The following SENP7 variants were observed in gnomAD, a reference collection of about 807,000 sequenced individuals.
SENP7 encodes SUMO specific peptidase 7.
In SENP7, 64 loss-of-function variants were observed where a neutral mutation model predicts 141.2. The ratio of observed to expected loss-of-function variants is 0.45; its 90% confidence interval spans 0.37 to 0.56. The LOEUF is 0.56. Ranked by LOEUF, SENP7 falls within the 20% of genes least tolerant of loss-of-function variation. SENP7 has a pLI of 0.00. For synonymous variants in SENP7, 382 were observed against 426.4 expected (o/e 0.90, Z 1.28); for missense variants, 1,025 against 1,212.2 (o/e 0.85, Z 2.29).
At chr3:101,457,181 A>T in intron 4 of SENP7, 1 of 1,165,332 alleles carries the variant, frequency 8.6e-7, no homozygotes, top group Non-Finnish European at 1.3e-6. Context: ...AAGTAGTCAT[A>T]ATATAAAATA....
intron 4 of SENP7, chr3:101,457,763 C>T (rs929442639): frequency 5.5e-6 from 4 of 722,936 alleles, no homozygotes; most frequent in Non-Finnish European, 9.4e-6. Context: ...ATGCAGAGAA[C>T]TAGGGTTGGT....
chr3:101,387,088 AC>A (rs1475046802), intron 6 of SENP7, among the ~76,000 whole-genome samples: 3 of 151,946 alleles, frequency 2.0e-5, no homozygotes. Context: ...TGCCACCATC[AC>A]CAGGGCCTGA....
Position 101,401,058 on chromosome 3 carries a change from A to G in SENP7, c.483-2003T>C, listed in dbSNP as rs1576229861. 2.7e-5 allele frequency among the ~76,000 whole-genome samples: 4 copies of G among 150,420 alleles called. No homozygotes were observed. In the South Asian group the frequency reaches 8.4e-4, roughly 32 times the overall value. ...GGCTGCAGAGAGCTAGGATTGCGCCACCTCTGTTTGCCTGGGAAAGAGAGC... is the reference window on the plus strand; with the variant it reads ...GGCTGCAGAGAGCTAGGATTGCGCCGCCTCTGTTTGCCTGGGAAAGAGAGC... On this transcript the variant is annotated intron_variant, in intron 5 of 23. Transcript: ENST00000394095.
chr3:101,365,753 T>C (rs1243255939), intron 9 of SENP7, among the ~76,000 whole-genome samples: 1 of 152,140 alleles, frequency 6.6e-6, no homozygotes, highest in Non-Finnish European at 1.5e-5. Flanking sequence ...AGTTGTTATC[T>C]GATTTATAGT....
intron 3 of SENP7, among the ~76,000 whole-genome samples, chr3:101,490,537 G>A (rs1175799584): frequency 6.6e-6 from 1 of 151,784 alleles, no homozygotes; most frequent in Non-Finnish European, 1.5e-5. Context: ...ACATAAAAAA[G>A]AAAAATGAAT....
chr3:101,491,440 T>C (rs2064963332), intron 3 of SENP7, among the ~76,000 whole-genome samples: 2 of 88,988 alleles, frequency 2.2e-5, no homozygotes, highest in African/African-American at 7.1e-5. Flanking sequence ...TAATTTTTAG[T>C]AGAAACAAGA....
intron 4 of SENP7, among the ~76,000 whole-genome samples, chr3:101,419,532 C>T (rs1208104503): frequency 1.3e-5 from 2 of 152,040 alleles, no homozygotes; most frequent in Admixed American, 6.5e-5. Flanking sequence ...ACAGTGGGAT[C>T]AGCAAAGGGA....
At chr3:101,382,805 G>A (rs1215349349) in intron 6 of SENP7, among the ~76,000 whole-genome samples, 1 of 152,100 alleles carries the variant, frequency 6.6e-6, no homozygotes, top group East Asian at 1.9e-4. Context: ...CCAGGGATAA[G>A]CCAAAACACA....
chr3:101,332,171 T>C, intron 18 of SENP7, 62 bp from the exon 19 acceptor site: 3 of 1,472,454 alleles, frequency 2.0e-6, no homozygotes, highest in East Asian at 2.3e-5. Flanking sequence ...TAATATATTC[T>C]AGAGATACAT....
intron 10 of SENP7, among the ~76,000 whole-genome samples, 169 bp from the exon 11 acceptor site, chr3:101,362,030 A>C (rs1019328223): frequency 2.0e-5 from 3 of 152,080 alleles, no homozygotes; most frequent in African/African-American, 7.2e-5. Flanking sequence ...TTTCTGAAAA[A>C]ATATATGACT....
chr3:101,365,098 G>C (rs2060000737), intron 9 of SENP7, 107 bp from the exon 10 acceptor site: 2 of 639,186 alleles, frequency 3.1e-6, no homozygotes, highest in Non-Finnish European at 4.6e-6. Flanking sequence ...CACCTCCCGG[G>C]CTCAGGCAAT....
intron 4 of SENP7, chr3:101,458,538 C>T (rs72942264): frequency 0.14 from 21,334 of 155,498 alleles, 2,304 homozygotes; most frequent in African/African-American, 0.31. Flanking sequence ...TTGGCTGGCC[C>T]AAGTACAGAG....
Position 101,500,673 on chromosome 3 carries a change from G to C in SENP7, c.90+397C>G, listed in dbSNP as rs903512353. On this transcript the variant is annotated intron_variant, in intron 2 of 23. Transcript: ENST00000394095. Reference sequence around the variant, plus strand: ...ACGTAGAAGAAATAAATGAAAAAAAGAGGCTTAAAAGGACATATTCCCAAT... The same window carrying C: ...ACGTAGAAGAAATAAATGAAAAAAACAGGCTTAAAAGGACATATTCCCAAT... Among the ~76,000 whole-genome samples the C allele has an allele frequency of 7.9e-4, 120 of 152,162 alleles. 1 individual carries two copies. The highest frequency in any genetic ancestry group is 5.9e-5 in the Non-Finnish European group (4 of 68,030).
chr3:101,394,160 G>C (rs1400560058), intron 6 of SENP7, among the ~76,000 whole-genome samples: 1 of 152,082 alleles, frequency 6.6e-6, no homozygotes, highest in East Asian at 1.9e-4. Context: ...GCCTCTATGA[G>C]ATCAACTTAT....
intron 5 of SENP7, among the ~76,000 whole-genome samples, chr3:101,401,062 C>T (rs540752778): frequency 6.6e-6 from 1 of 150,540 alleles, no homozygotes; most frequent in South Asian, 2.1e-4. Flanking sequence ...TGCGCCACCT[C>T]TGTTTGCCTG....
chr3:101,488,750 G>A (rs2064835859), intron 3 of SENP7, among the ~76,000 whole-genome samples: 2 of 152,222 alleles, frequency 1.3e-5, no homozygotes, highest in African/African-American at 2.4e-5. Flanking sequence ...GCTGACGCAG[G>A]AGAATTGCTT....
rs769630732 is a variant in SENP7, at chr3:101,417,840, T to C, written c.285-50A>G. On this transcript the variant is annotated intron_variant, in intron 4 of 23. Coordinates refer to ENST00000394095, the MANE Select transcript of SENP7 (RefSeq NM_020654.5). ...ATATATGGTACTACACATTGTAGAA[T>C]ACATGAATTCATCACAAACTAATAT... 8.7e-6 allele frequency: 12 copies of C among 1,378,568 alleles called. 1 individual carries two copies. The Admixed American group carries it at 1.4e-4, about 16-fold the overall frequency. The allele number at this position is 1,378,568 out of a possible 1,614,324, so 85.4% of individuals were successfully genotyped here. A position where few individuals can be genotyped will look rare whatever the true frequency, so the allele number is the denominator to read the frequency against.
chr3:101,501,707 T>C (rs2065387920), intron 1 of SENP7, among the ~76,000 whole-genome samples: 1 of 152,198 alleles, frequency 6.6e-6, no homozygotes, highest in Admixed American at 6.5e-5. Context: ...GACACTGTGC[T>C]AGGCAATGAG....
At position 101,398,932 on chromosome 3, in the gene SENP7, A is replaced by T. The variant is rs747709320; in HGVS notation, c.606T>A (p.Ser202=). 1 of 1,612,908 alleles carries T rather than the reference A, an allele frequency of 6.2e-7. No individual in the cohort carries two copies. Among genetic ancestry groups the T allele is most frequent in the South Asian group, 1.1e-5 (1 of 90,878 alleles). ...ATTCTAGGCTGCCATCAGATGATGA[A>T]GAAAGTTGCTCTGATTGCAAGTTGT... ...DTDNLQSEQL[S]SSSDGSLESY... The change falls in exon 6 of 24, where the codon TCT becomes TCA. Residue 202 remains serine, a synonymous_variant. Transcript: ENST00000394095.
Sources: gnomAD v4.1 joint callset for allele counts (sites outside exome capture counted in the v4.1 genomes callset) on GRCh38, gnomAD v4.1.1 for gene constraint, MANE v1.5 for transcripts, NCBI Gene and HGNC (gene_info 2026-07-23, HGNC 2026-07-21) for gene names.